The following C16orf89 variants were observed in gnomAD, a reference collection of about 807,000 sequenced individuals.
The protein encoded by C16orf89 is UPF0764 protein C16orf89.
Under a neutral mutation model 41.5 loss-of-function variants are expected in C16orf89, and 57 were observed. That is an observed-to-expected ratio of 1.38 (90% CI 1.11 to 1.71). The LOEUF (loss-of-function observed/expected upper bound fraction) is 1.71. Ranked by LOEUF, C16orf89 falls within the 40% of genes most tolerant of loss-of-function variation. The pLI, the probability that C16orf89 is intolerant of heterozygous loss-of-function variation, is 0.00. For missense variants in C16orf89, 575 were observed against 445.9 expected, an observed-to-expected ratio of 1.29 and a Z score of -2.61; for synonymous variants, 223 against 190.6, an observed-to-expected ratio of 1.17 and a Z score of -1.40.
intron 4 of C16orf89, among the ~76,000 whole-genome samples, chr16:5,058,021 G>GC (rs1163970505): frequency 6.6e-6 from 1 of 152,074 alleles, no homozygotes; most frequent in African/African-American, 2.4e-5. Flanking sequence ...TATGATAGGG[G>GC]CCCTACTTCT....
chr16:5,055,172 A>G (rs1359958603), intron 6 of C16orf89, 74 bp downstream of exon 6: 1 of 1,284,910 alleles, frequency 7.8e-7, no homozygotes, highest in Non-Finnish European at 1.1e-6. Flanking sequence ...TTGTTCCCAC[A>G]CCTGGCCTAG....
At chr16:5,058,421 C>A in intron 4 of C16orf89, 72 bp downstream of exon 4, 1 of 1,360,118 alleles carries the variant, frequency 7.4e-7, no homozygotes. Flanking sequence ...GCATGAGCCA[C>A]CACGTCCGGC....
At chr16:5,061,679 G>A (rs530241787) in intron 2 of C16orf89, among the ~76,000 whole-genome samples, 1 of 151,968 alleles carries the variant, frequency 6.6e-6, no homozygotes, top group Non-Finnish European at 1.5e-5. Flanking sequence ...GAGAGGGTGG[G>A]GGACCTTAAA....
At chr16:5,062,693 C>G in intron 1 of C16orf89, 119 bp from the exon 2 acceptor site, 2 of 1,154,008 alleles carry the variant, frequency 1.7e-6, no homozygotes, top group Admixed American at 2.9e-5. Flanking sequence ...TCTGCCTTCT[C>G]CAGCACTCAG....
intron 4 of C16orf89, among the ~76,000 whole-genome samples, chr16:5,057,892 C>T (rs1173828353): frequency 6.6e-6 from 1 of 151,980 alleles, no homozygotes; most frequent in African/African-American, 2.4e-5. Flanking sequence ...CTCTTTCTCT[C>T]TCTCGTTGTG....
Position 5,055,442 on chromosome 16 carries a change from T to G in C16orf89, c.764-92A>C, listed in dbSNP as rs957989946. On this transcript the variant is annotated intron_variant, in intron 5 of 7. Transcript: ENST00000472572. The stretch of plus-strand genomic sequence containing the variant: ...GCTGCCACGGTGCCACCTGCCTTCA[T>G]CTGCCTGGGTTAGGCTTAGGAGGTG... The G allele has an allele frequency of 4.1e-6, 5 of 1,206,616 alleles. No individual in the cohort carries two copies. The Admixed American group carries it at 1.0e-4, about 25-fold the overall frequency. The allele number at this position is 1,206,616 out of a possible 1,614,324, so 74.7% of individuals were successfully genotyped here. A position where few individuals can be genotyped will look rare whatever the true frequency, so the allele number is the denominator to read the frequency against.
intron 2 of C16orf89, among the ~76,000 whole-genome samples, chr16:5,061,772 C>G (rs538027004): frequency 6.6e-6 from 1 of 152,138 alleles, no homozygotes; most frequent in African/African-American, 2.4e-5. Context: ...CCTCCCCGCT[C>G]ACCCCCATGC....
At chr16:5,046,764 C>T (rs72773724) in intron 7 of C16orf89, among the ~76,000 whole-genome samples, 1,947 of 152,228 alleles carry the variant, frequency 0.013, 29 homozygotes, top group Non-Finnish European at 0.02. Context: ...TGACTTTCTT[C>T]TACGTTATTT....
Position 5,056,170 on chromosome 16 carries a change from G to C in C16orf89, c.646C>G (p.Pro216Ala). ...WARMRGCTQG[P>A]LQQSQDYINL... ...ATATAGTCCTGGCTCTGTTGGAGTG[G>C]TCCCTGTGTGCACCCCCTCTGGGGA... Residue 216 changes from proline to alanine, a missense_variant, in exon 5 of 8, where the codon CCA becomes GCA. Physicochemically the swap from Pro to Ala is conservative, Grantham distance 27 (BLOSUM62 -1). Transcript: ENST00000472572. The C allele has an allele frequency of 6.3e-7, 1 of 1,590,650 alleles. No individual in the cohort carries two copies. Among genetic ancestry groups the C allele is most frequent in the East Asian group, 2.3e-5 (1 of 44,092 alleles).
intron 7 of C16orf89, among the ~76,000 whole-genome samples, 162 bp downstream of exon 7, chr16:5,047,715 AC>A (rs1203495967): frequency 6.6e-6 from 1 of 151,894 alleles, no homozygotes; most frequent in African/African-American, 2.4e-5. Context: ...GCCATCAGGG[AC>A]CCCCAGCCTC....
rs889298114 is a variant in C16orf89 at position 5,055,123 on chromosome 16, G to A, written c.868+123C>T. 11 of 829,696 alleles carry A rather than the reference G, an allele frequency of 1.3e-5. No individual in the cohort carries two copies. The African/African-American group carries it at 1.9e-4, about 14-fold the overall frequency. 51.4% of individuals were successfully genotyped at this position (829,696 alleles called of 1,614,324 possible). ...TGTACACGTCTGTGTGTGTGCACCT[G>A]TAGGTTACAAATCCCTTGGCAACCT... On this transcript the variant is annotated intron_variant, in intron 6 of 7. Transcript: ENST00000472572.
Position 5,065,710 on chromosome 16 carries a change from C to A in C16orf89, c.199G>T (p.Val67Leu). 1.9e-6 allele frequency: 3 copies of A among 1,613,226 alleles called. No homozygotes were observed. Among genetic ancestry groups the A allele is most frequent in the Non-Finnish European group, 2.5e-6 (3 of 1,179,190 alleles). Residue 67 changes from valine (V) to leucine (L), a missense_variant, in exon 1 of 8, where the codon GTG (valine) becomes TTG (leucine). By Grantham distance (32) the Val-to-Leu change is conservative (BLOSUM62 1). Coordinates refer to ENST00000472572, the MANE Select transcript of C16orf89 (RefSeq NM_001098514.3). Reference protein sequence around the residue: ...INLDGMVGVRVLEEQLKSVRE... With the variant: ...INLDGMVGVRLLEEQLKSVRE... ...ATTGGGGCTCACTCACCTTCCAGCACTCGGACCCCCACCATGCCATCCAGG... is the reference window on the plus strand; with the variant it reads ...ATTGGGGCTCACTCACCTTCCAGCAATCGGACCCCCACCATGCCATCCAGG...
In C16orf89 at chr16:5,044,273, G is replaced by A; in HGVS notation, c.*75C>T. 4 of 1,489,238 alleles carry A rather than the reference G, an allele frequency of 2.7e-6. No individual in the cohort carries two copies. The highest frequency in any genetic ancestry group is 3.6e-6 in the Non-Finnish European group (4 of 1,122,556). 92.3% of individuals were successfully genotyped at this position (1,489,238 alleles called of 1,614,324 possible). A position where few individuals can be genotyped will look rare whatever the true frequency, so the allele number is the denominator to read the frequency against. ...GCCTTCTTCCCAGGATGTGATCCGTGCCCTCCAGGATCTAAGGGATGAGGA... is the reference window on the plus strand; with the variant it reads ...GCCTTCTTCCCAGGATGTGATCCGTACCCTCCAGGATCTAAGGGATGAGGA... On this transcript the variant is annotated 3_prime_UTR_variant, in exon 8 of 8. Transcript: ENST00000472572.
At chr16:5,047,079 C>G (rs1405183008) in intron 7 of C16orf89, among the ~76,000 whole-genome samples, 2 of 152,166 alleles carry the variant, frequency 1.3e-5, no homozygotes, top group Non-Finnish European at 2.9e-5. Context: ...GTCTTGCCTA[C>G]TGGTTTCGAC....
rs560897739 is a variant in C16orf89, at chr16:5,065,761, G to A, written c.148C>T (p.Leu50=). ...TTGATTTCAGGCAGCCTCTGTTCTA[G>A]GAAGACGGTGGCTCTCTCCAGCGCA... ...LSALERATVF[L]EQRLPEINLD... is the part of the protein sequence containing the mutation. Residue 50 remains leucine, a synonymous_variant, in exon 1 of 8, where the codon CTA becomes TTA. Transcript: ENST00000472572. The A allele has an allele frequency of 6.2e-7, 1 of 1,614,180 alleles. No individual in the cohort carries two copies. Among genetic ancestry groups the A allele is most frequent in the Non-Finnish European group, 8.5e-7 (1 of 1,179,984 alleles).
At chr16:5,055,590 C>G in intron 5 of C16orf89, 1 of 1,282,576 alleles carries the variant, frequency 7.8e-7, no homozygotes, top group Non-Finnish European at 1.1e-6. Flanking sequence ...AAGTCAGGAT[C>G]AGTGGAGGAG....
chr16:5,065,821 C>A lies in C16orf89; in HGVS notation c.88G>T (p.Glu30Ter), dbSNP rs1956730209. Residue 30 changes from glutamate (E) to a stop codon, truncating the protein, a stop_gained, in exon 1 of 8, where the codon GAA (glutamate) becomes TAA (stop). Transcript: ENST00000472572. LOFTEE classifies it high-confidence loss of function. ...SSSLPGLDTA[E>*]SKATIADLIL... Reference sequence around the variant, plus strand: ...AGGTCTGCAATGGTGGCTTTACTTTCAGCAGTGTCCAGCCCAGGCAGTGAG... The same window carrying A: ...AGGTCTGCAATGGTGGCTTTACTTTAAGCAGTGTCCAGCCCAGGCAGTGAG... 2 of 1,614,082 alleles carry A rather than the reference C, an allele frequency of 1.2e-6. No homozygotes were observed. Among genetic ancestry groups the A allele is most frequent in the African/African-American group, 2.7e-5 (2 of 74,944 alleles).
In C16orf89 at chr16:5,055,315, A is replaced by G. The variant is rs372562360; in HGVS notation, c.799T>C (p.Tyr267His). ...ATGGCCTCCAGCCACCGGAGCTTGT[A>G]GAAGTCGGAGAAGCCGCCCATTCCA... ...FCGMGGFSDF[Y>H]KLRWLEAILS... The change falls in exon 6 of 8, where the codon TAC (tyrosine) becomes CAC (histidine). Residue 267 changes from tyrosine to histidine, a missense_variant. By Grantham distance (83) the Tyr-to-His change is moderately conservative. Transcript: ENST00000472572. The G allele has an allele frequency of 2.5e-6, 4 of 1,613,036 alleles. No homozygotes were observed. Among genetic ancestry groups the G allele is most frequent in the East Asian group, 2.2e-5 (1 of 44,848 alleles).
rs1956558015 is a variant in C16orf89 at position 5,058,620 on chromosome 16, A to G, written c.510-10T>C. ...CTCGCTGCTGTCCGTCCTGGGGGAA[A>G]GTGGTTCCAAGCTGTTAAGGATGGA... is the stretch of plus-strand genomic sequence containing the variant. On this transcript the variant is annotated splice_polypyrimidine_tract_variant and intron_variant, in intron 3 of 7. Transcript: ENST00000472572. 4.4e-6 allele frequency: 7 copies of G among 1,596,628 alleles called. No individual in the cohort carries two copies. The highest frequency in any genetic ancestry group is 1.3e-5 in the African/African-American group (1 of 74,512).
Sources: allele counts gnomAD v4.1 joint callset (sites outside exome capture counted in the v4.1 genomes callset), GRCh38; gene constraint gnomAD v4.1.1; transcripts MANE v1.5; gene names NCBI Gene and HGNC (gene_info 2026-07-23, HGNC 2026-07-21).